ALDH4A1: variants seen among roughly 807,000 people sequenced by gnomAD.
ALDH4A1 encodes aldehyde dehydrogenase 4 family member A1.
Under a neutral mutation model 70.5 loss-of-function variants are expected in ALDH4A1, and 46 were observed. That is an observed-to-expected ratio of 0.65 (90% CI 0.51 to 0.83). The LOEUF is 0.83. Among genes scored for constraint, ALDH4A1 ranks in the 40% least tolerant of loss-of-function variants. The pLI, the probability that ALDH4A1 is intolerant of heterozygous loss-of-function variation, is 0.00. For missense variants in ALDH4A1, 749 were observed against 766.5 expected, an observed-to-expected ratio of 0.98 and a Z score of 0.27; for synonymous variants, 323 against 324.3, an observed-to-expected ratio of 1.00 and a Z score of 0.04.
intron 8 of ALDH4A1, 105 bp from the exon 9 acceptor site, chr1:18,879,478 G>C (rs1934876003): frequency 9.9e-7 from 1 of 1,013,696 alleles, no homozygotes. Context: ...CAGGAGGTGG[G>C]AGCCAAGTCG....
chr1:18,890,333 G>C (rs548885535), intron 1 of ALDH4A1: 1 of 508,448 alleles, frequency 2.0e-6, no homozygotes, highest in African/African-American at 1.9e-5. Flanking sequence ...CTTGAGGTCA[G>C]GAGTTCGAGA....
In ALDH4A1 at chr1:18,874,396, C is replaced by T. The variant is rs1201883743; in HGVS notation, c.1579+67G>A. ...TCCTTCCTATTACTCTGAAGCCCCT[C>T]GAGACGTAACATCTAGGGTCTCCCA... On this transcript the variant is annotated intron_variant, in intron 14 of 14. Coordinates refer to ENST00000375341, the MANE Select transcript of ALDH4A1 (RefSeq NM_003748.4). The T allele has an allele frequency of 1.3e-5, 19 of 1,439,082 alleles. 1 individual carries two copies. The highest frequency in any genetic ancestry group is 1.7e-4 in the Middle Eastern group (1 of 5,746). 89.1% of individuals were successfully genotyped at this position (1,439,082 alleles called of 1,614,324 possible).
At chr1:18,901,891 A>G (rs971559193) in intron 1 of ALDH4A1, among the ~76,000 whole-genome samples, 1 of 151,308 alleles carries the variant, frequency 6.6e-6, no homozygotes, top group Admixed American at 6.6e-5. Context: ...TCCACCTACA[A>G]GAAGAAAGGA....
intron 9 of ALDH4A1, among the ~76,000 whole-genome samples, chr1:18,878,005 C>T (rs1248253508): frequency 6.6e-6 from 1 of 152,112 alleles, no homozygotes; most frequent in Non-Finnish European, 1.5e-5. Flanking sequence ...CCCTCGTCCA[C>T]GAGGGACATT....
intron 1 of ALDH4A1, among the ~76,000 whole-genome samples, chr1:18,896,177 C>A (rs553465623): frequency 1.7e-4 from 26 of 152,198 alleles, no homozygotes; most frequent in Non-Finnish European, 3.4e-4. Context: ...AGAGCTCTGA[C>A]TGACCATCTG....
chr1:18,891,661 G>C (rs184468307), intron 1 of ALDH4A1, among the ~76,000 whole-genome samples: 75 of 152,266 alleles, frequency 4.9e-4, no homozygotes, highest in African/African-American at 1.7e-3. Context: ...GGGAAAAAAG[G>C]AACATTTACC....
chr1:18,883,526 G>A, intron 5 of ALDH4A1, 98 bp from the exon 6 acceptor site: 2 of 1,528,866 alleles, frequency 1.3e-6, no homozygotes, highest in South Asian at 2.3e-5. Context: ...ACTGAGCCGG[G>A]CCCCAGGAGG....
At chr1:18,897,529 C>T (rs1935664399) in intron 1 of ALDH4A1, among the ~76,000 whole-genome samples, 1 of 152,114 alleles carries the variant, frequency 6.6e-6, no homozygotes, top group African/African-American at 2.4e-5. Flanking sequence ...GGAGGTAGAG[C>T]GAGACTCCGT....
intron 1 of ALDH4A1, among the ~76,000 whole-genome samples, chr1:18,899,476 T>C (rs1935726777): frequency 6.6e-6 from 1 of 152,210 alleles, no homozygotes; most frequent in Admixed American, 6.5e-5. Flanking sequence ...GGGCTGGCTA[T>C]TAATCTGTAT....
Position 18,872,838 on chromosome 1 carries a change from G to A in ALDH4A1, c.*7C>T, listed in dbSNP as rs377340453. The A allele has an allele frequency of 8.6e-5, 139 of 1,608,404 alleles. No individual in the cohort carries two copies. Among genetic ancestry groups the A allele is most frequent in the Non-Finnish European group, 1.1e-4 (135 of 1,175,680 alleles). ...CAGACAGCTGGACGGTGGAGCCCGA[G>A]AGGGGCTCACTGCATGTACGCGTAG... On this transcript the variant is annotated 3_prime_UTR_variant, in exon 15 of 15. Coordinates refer to ENST00000375341, the MANE Select transcript of ALDH4A1 (RefSeq NM_003748.4).
intron 1 of ALDH4A1, among the ~76,000 whole-genome samples, chr1:18,901,728 T>C (rs567065626): frequency 2.2e-4 from 33 of 152,172 alleles, no homozygotes; most frequent in Non-Finnish European, 7.4e-5. Context: ...ATAATGATGA[T>C]GATCGTGGCA....
chr1:18,881,333 C>A (rs913571960), intron 8 of ALDH4A1, among the ~76,000 whole-genome samples: 2 of 152,162 alleles, frequency 1.3e-5, no homozygotes, highest in Non-Finnish European at 2.9e-5. Flanking sequence ...TCACCTCCTC[C>A]AGGAAGGCTT....
Position 18,883,187 on chromosome 1 carries a change from C to G in ALDH4A1, c.615G>C (p.Ala205=). The G allele has an allele frequency of 6.2e-7, 1 of 1,613,178 alleles. No individual in the cohort carries two copies. The highest frequency in any genetic ancestry group is 8.5e-7 in the Non-Finnish European group (1 of 1,180,044). Residue 205 remains alanine (A), a synonymous_variant, in exon 7 of 15, where the codon GCG becomes GCC. Transcript: ENST00000375341. The part of the protein sequence containing the change: ...TVYRGLEGFV[A]AISPFNFTAI... ...CAGTGAAGTTAAAGGGCGAGATGGC[C>G]GCCACGAAGCCCTGGGGAAGGAGGC... is the stretch of plus-strand genomic sequence containing the variant.
intron 7 of ALDH4A1, 156 bp downstream of exon 7, chr1:18,882,968 G>A: frequency 1.0e-6 from 1 of 981,854 alleles, no homozygotes; most frequent in South Asian, 1.4e-5. Flanking sequence ...TGGGTCTCTG[G>A]TCCCAAAGCC....
At position 18,882,391 on chromosome 1, in the gene ALDH4A1, C is replaced by T. The variant is rs372347375; in HGVS notation, c.679-504G>A. ...GCATCCAGTGCCCCTGTCTGGGGCT[C>T]GGGGTTCCCGACAACTATGTGGACC... On this transcript the variant is annotated intron_variant, in intron 7 of 14. Transcript: ENST00000375341. Among the ~76,000 whole-genome samples the T allele has an allele frequency of 1.1e-4, 17 of 152,292 alleles. No homozygotes were observed. In the South Asian group the frequency reaches 2.5e-3, roughly 22 times the overall value.
chr1:18,875,874 A>G (rs1014493255), intron 12 of ALDH4A1, among the ~76,000 whole-genome samples: 1 of 152,140 alleles, frequency 6.6e-6, no homozygotes, highest in Non-Finnish European at 1.5e-5. Context: ...TCTGCCACCA[A>G]GGGGCTGGGG....
In ALDH4A1 at chr1:18,889,421, TG is replaced by T. The variant is rs1935347536; in HGVS notation, c.189del (p.Ile64SerfsTer55). On this transcript the variant is annotated frameshift_variant, in exon 3 of 15. Transcript: ENST00000375341. LOFTEE classifies it high-confidence loss of function. ...ALKDLKGRME[A>X]IPCVVGDEEV... ...TCCTCATCCCCCACCACGCATGGGA[TG>T]GCTTCCATCCGGCCCTTCAGGTCCT... 6.4e-7 allele frequency: 1 copy of T among 1,552,564 alleles called. No homozygotes were observed. The highest frequency in any genetic ancestry group is 1.2e-5 in the South Asian group (1 of 84,114).
chr1:18,872,050 T>C lies in ALDH4A1; in HGVS notation c.*795A>G, dbSNP rs1158966855. 3 of 152,186 alleles carry C rather than the reference T, an allele frequency of 2.0e-5. No individual in the cohort carries two copies. The highest frequency in any genetic ancestry group is 4.4e-5 in the Non-Finnish European group (3 of 68,128). The allele number at this position is 152,186 out of a possible 1,614,324, so 9.4% of individuals were successfully genotyped here. On this transcript the variant is annotated 3_prime_UTR_variant, in exon 15 of 15. Transcript: ENST00000375341. ...CAGACCCTGAGACTGGCTCTAGGAGTGGAGGTCTCTACAGGTAGGGCCTGA... is the reference window on the plus strand; with the variant it reads ...CAGACCCTGAGACTGGCTCTAGGAGCGGAGGTCTCTACAGGTAGGGCCTGA...
Position 18,890,057 on chromosome 1 carries a change from G to A in ALDH4A1, c.111C>T (p.Val37=), listed in dbSNP as rs1935375691. ...TSSLKVANEP[V]LAFTQGSPER... ...CAGGGCTGCCCTGCGTGAAGGCTAA[G>A]ACGGGCTCGTTGGCCACCTTCAGGG... The change falls in exon 2 of 15, where the codon GTC becomes GTT. Residue 37 remains valine (V), a synonymous_variant. Coordinates refer to ENST00000375341, the MANE Select transcript of ALDH4A1 (RefSeq NM_003748.4). The A allele has an allele frequency of 1.2e-6, 2 of 1,613,116 alleles. No individual in the cohort carries two copies. Among genetic ancestry groups the A allele is most frequent in the Non-Finnish European group, 1.7e-6 (2 of 1,179,818 alleles).
Sources: allele counts gnomAD v4.1 joint callset (sites outside exome capture counted in the v4.1 genomes callset), GRCh38; gene constraint gnomAD v4.1.1; transcripts MANE v1.5; gene names NCBI Gene and HGNC (gene_info 2026-07-23, HGNC 2026-07-21).